The following SLC9A2 variants were observed in gnomAD, a reference collection of about 807,000 sequenced individuals.
SLC9A2 encodes solute carrier family 9 member A2, also known as sodium/hydrogen exchanger 2.
In SLC9A2, 42 loss-of-function variants were observed where a neutral mutation model predicts 71.7. The observed-to-expected ratio is 0.59, with a 90% confidence interval of 0.46 to 0.76. SLC9A2 has a LOEUF of 0.76. Among genes scored for constraint, SLC9A2 ranks in the 30% least tolerant of loss-of-function variants. The pLI, the probability that SLC9A2 is intolerant of heterozygous loss-of-function variation, is 0.00. For synonymous variants in SLC9A2, 396 were observed against 392.5 expected, an observed-to-expected ratio of 1.01 and a Z score of -0.10; for missense variants, 829 against 1,017.4, an observed-to-expected ratio of 0.81 and a Z score of 2.52.
rs1413950289 is a variant in SLC9A2, at chr2:102,709,415, C to A, written c.*926C>A. The A allele has an allele frequency of 6.6e-6, 1 of 152,622 alleles. No homozygotes were observed. Among genetic ancestry groups the A allele is most frequent in the African/African-American group, 2.4e-5 (1 of 41,432 alleles). 9.5% of individuals were successfully genotyped at this position (152,622 alleles called of 1,614,324 possible). A position where few individuals can be genotyped will look rare whatever the true frequency, so the allele number is the denominator to read the frequency against. Reference sequence around the variant, plus strand: ...AGGAGGAGGAGGCAGGTGATCTATGCTGATCTATGATCACCTGCTTCAGTA... The same window carrying A: ...AGGAGGAGGAGGCAGGTGATCTATGATGATCTATGATCACCTGCTTCAGTA... On this transcript the variant is annotated 3_prime_UTR_variant, in exon 12 of 12. Coordinates refer to ENST00000233969, the MANE Select transcript of SLC9A2 (RefSeq NM_003048.6).
At chr2:102,644,152 G>T (rs1452276286) in intron 1 of SLC9A2, among the ~76,000 whole-genome samples, 3 of 151,954 alleles carry the variant, frequency 2.0e-5, no homozygotes, top group Non-Finnish European at 4.4e-5. Flanking sequence ...ATTGGGACTG[G>T]TTAGACAGTG....
At chr2:102,681,068 A>G (rs1349747486) in intron 3 of SLC9A2, among the ~76,000 whole-genome samples, 1 of 152,188 alleles carries the variant, frequency 6.6e-6, no homozygotes, top group Non-Finnish European at 1.5e-5. Context: ...GCATTGTTTG[A>G]AGCCACTCAG....
chr2:102,687,570 A>T (rs1677570646), intron 5 of SLC9A2, among the ~76,000 whole-genome samples: 1 of 152,210 alleles, frequency 6.6e-6, no homozygotes, highest in South Asian at 2.1e-4. Flanking sequence ...CCCTTATTTC[A>T]ATATTTTATA....
At chr2:102,671,998 A>G (rs1677260396) in intron 3 of SLC9A2, among the ~76,000 whole-genome samples, 1 of 152,060 alleles carries the variant, frequency 6.6e-6, no homozygotes, top group South Asian at 2.1e-4. Context: ...CCCAGCTGCT[A>G]CTTGGGAGGC....
chr2:102,662,353 T>C (rs1005005784), intron 2 of SLC9A2, among the ~76,000 whole-genome samples: 6 of 152,202 alleles, frequency 3.9e-5, no homozygotes, highest in Non-Finnish European at 8.8e-5. Context: ...CTCAGAGAAC[T>C]CTTCAGTGCA....
chr2:102,640,471 C>A lies in SLC9A2; in HGVS notation c.290-17093C>A, dbSNP rs551773940. Among the ~76,000 whole-genome samples the A allele has an allele frequency of 2.0e-5, 3 of 152,318 alleles. No homozygotes were observed. In the South Asian group the frequency reaches 6.2e-4, roughly 32 times the overall value. Reference sequence around the variant, plus strand: ...ACCAGCTGGCTACAAACTGGGAGTCCCCTGACCTGCTCAGGTTCGATCATT... The same window carrying A: ...ACCAGCTGGCTACAAACTGGGAGTCACCTGACCTGCTCAGGTTCGATCATT... On this transcript the variant is annotated intron_variant, in intron 1 of 11. Coordinates refer to ENST00000233969, the MANE Select transcript of SLC9A2 (RefSeq NM_003048.6).
chr2:102,664,445 GCACACA>G lies in SLC9A2; in HGVS notation c.754-628_754-623del, dbSNP rs58155284. On this transcript the variant is annotated intron_variant, in intron 2 of 11. Coordinates refer to ENST00000233969, the MANE Select transcript of SLC9A2 (RefSeq NM_003048.6). ...AAATATGTATGAAGTTTCAGCAGAT[GCACACA>G]CACACACACACACACACACACACAC... Among the ~76,000 whole-genome samples the G allele has an allele frequency of 8.7e-3, 1,282 of 147,958 alleles. 13 individuals carry two copies. Among genetic ancestry groups the G allele is most frequent in the African/African-American group, 0.029 (1,155 of 40,182 alleles).
At chr2:102,640,183 TTTTC>T (rs1347996362) in intron 1 of SLC9A2, among the ~76,000 whole-genome samples, 1 of 152,184 alleles carries the variant, frequency 6.6e-6, no homozygotes. Context: ...TTAAGAGCCT[TTTTC>T]TTTGTTACCA....
intron 1 of SLC9A2, among the ~76,000 whole-genome samples, chr2:102,656,303 A>G (rs1676941045): frequency 6.6e-6 from 1 of 152,186 alleles, no homozygotes; most frequent in Admixed American, 6.5e-5. Flanking sequence ...TCTACCATGA[A>G]TTAAGAGATG....
intron 5 of SLC9A2, among the ~76,000 whole-genome samples, chr2:102,693,118 G>A (rs1382559810): frequency 6.6e-6 from 1 of 151,460 alleles, no homozygotes; most frequent in African/African-American, 2.4e-5. Flanking sequence ...TATTGTAGGT[G>A]TTTATTCTGT....
intron 7 of SLC9A2, among the ~76,000 whole-genome samples, chr2:102,699,357 C>T (rs1279008628): frequency 6.6e-6 from 1 of 152,100 alleles, no homozygotes; most frequent in African/African-American, 2.4e-5. Context: ...GGAAGAGGGG[C>T]ACAGTACCAA....
intron 5 of SLC9A2, 63 bp downstream of exon 5, chr2:102,684,399 T>G: frequency 7.0e-7 from 1 of 1,438,804 alleles, no homozygotes; most frequent in Non-Finnish European, 9.8e-7. Context: ...TGGATTCTGT[T>G]TACAGGATGC....
intron 1 of SLC9A2, among the ~76,000 whole-genome samples, chr2:102,640,658 A>C (rs1194120444): frequency 6.6e-6 from 1 of 152,124 alleles, no homozygotes; most frequent in African/African-American, 2.4e-5. Context: ...TCCACCACGT[A>C]CCCACCAACA....
Position 102,701,091 on chromosome 2 carries a change from A to G in SLC9A2, c.1608A>G (p.Lys536=). 1 of 1,603,974 alleles carries G rather than the reference A, an allele frequency of 6.2e-7. No homozygotes were observed. The highest frequency in any genetic ancestry group is 8.5e-7 in the Non-Finnish European group (1 of 1,176,070). The change falls in exon 8 of 12, where the codon AAA becomes AAG. Residue 536 remains lysine (K), a synonymous_variant. Coordinates refer to ENST00000233969, the MANE Select transcript of SLC9A2 (RefSeq NM_003048.6). ...WRDKFKKFDD[K]YLRKLLIREN... ...ACAGGTTTAAGAAGTTTGATGATAAATATCTGCGGAAGCTTTTGATTCGGG... is the reference window on the plus strand; with the variant it reads ...ACAGGTTTAAGAAGTTTGATGATAAGTATCTGCGGAAGCTTTTGATTCGGG...
At chr2:102,641,603 A>G (rs1272190977) in intron 1 of SLC9A2, among the ~76,000 whole-genome samples, 1 of 151,912 alleles carries the variant, frequency 6.6e-6, no homozygotes, top group Non-Finnish European at 1.5e-5. Flanking sequence ...AGACCCTGCC[A>G]TGTAATTGTG....
intron 2 of SLC9A2, among the ~76,000 whole-genome samples, chr2:102,664,079 C>A (rs976475137): frequency 2.6e-5 from 4 of 151,860 alleles, no homozygotes; most frequent in African/African-American, 9.7e-5. Flanking sequence ...AGTTCAAGAC[C>A]AGCCTGGCCA....
intron 1 of SLC9A2, among the ~76,000 whole-genome samples, chr2:102,633,332 C>T (rs554408805): frequency 2.6e-3 from 391 of 152,086 alleles, no homozygotes; most frequent in Non-Finnish European, 3.5e-3. Flanking sequence ...TGTGTCTCAC[C>T]GGGCCCCCTG....
chr2:102,671,115 A>G (rs981087727), intron 3 of SLC9A2, among the ~76,000 whole-genome samples: 2 of 152,154 alleles, frequency 1.3e-5, no homozygotes, highest in African/African-American at 4.8e-5. Flanking sequence ...CCTCATCTCA[A>G]CGTCCTGAAG....
intron 1 of SLC9A2, among the ~76,000 whole-genome samples, chr2:102,657,097 C>T (rs1456440157): frequency 1.3e-5 from 2 of 151,562 alleles, no homozygotes; most frequent in African/African-American, 4.9e-5. Flanking sequence ...CCCAGCTATT[C>T]GGGAGGCTGA....
Sources: allele counts gnomAD v4.1 joint callset (sites outside exome capture counted in the v4.1 genomes callset), GRCh38; gene constraint gnomAD v4.1.1; transcripts MANE v1.5; gene names NCBI Gene and HGNC (gene_info 2026-07-23, HGNC 2026-07-21).